ERC2: variants seen among roughly 807,000 people sequenced by gnomAD.
The protein encoded by ERC2 is ELKS/RAB6-interacting/CAST family member 2.
ERC2 carries 42 observed loss-of-function variants against 114.8 expected under a neutral mutation model. The observed-to-expected ratio is 0.37, with a 90% CI of 0.29 to 0.47. The LOEUF (loss-of-function observed/expected upper bound fraction) is 0.47. ERC2 is among the 20% of genes least tolerant of loss of function. ERC2 has a pLI of 0.99. For missense variants in ERC2, 939 were observed against 1,150.7 expected, an observed-to-expected ratio of 0.82 and a Z score of 2.66; for synonymous variants, 454 against 425.5, an observed-to-expected ratio of 1.07 and a Z score of -0.82.
chr3:55,781,681 G>T lies in ERC2; in HGVS notation c.2565-46763C>A, dbSNP rs577239364. 2.0e-5 allele frequency among the ~76,000 whole-genome samples: 3 copies of T among 151,826 alleles called. No homozygotes were observed. In the South Asian group the frequency reaches 6.2e-4, roughly 32 times the overall value. On this transcript the variant is annotated intron_variant, in intron 14 of 17. Transcript: ENST00000288221. ...GAGGTCAGGAGTTCAAGACCATCCT[G>T]GCCAACAGGTGAAACCCTGTCTCTA...
At chr3:56,311,695 A>G (rs1375415702) in intron 2 of ERC2, among the ~76,000 whole-genome samples, 1 of 152,044 alleles carries the variant, frequency 6.6e-6, no homozygotes, top group Non-Finnish European at 1.5e-5. Context: ...CACCCTACTG[A>G]TCTATCGAAC....
chr3:56,109,744 A>G (rs2078860908), intron 6 of ERC2, among the ~76,000 whole-genome samples: 5 of 152,230 alleles, frequency 3.3e-5, no homozygotes, highest in Admixed American at 3.3e-4. Context: ...GACTTTGTAC[A>G]TGTATTGTAC....
At chr3:55,799,437 T>TTATATATACATGCATATATATA (rs2070827547) in intron 14 of ERC2, among the ~76,000 whole-genome samples, 1 of 103,286 alleles carries the variant, frequency 9.7e-6, no homozygotes, top group African/African-American at 5.6e-5. Flanking sequence ...TATATATGCC[T>TTATATATACATGCATATATATA]TATATATATA....
intron 7 of ERC2, among the ~76,000 whole-genome samples, chr3:56,034,113 T>G (rs555544019): frequency 4.6e-5 from 7 of 152,268 alleles, no homozygotes; most frequent in African/African-American, 1.7e-4. Context: ...ACATATAGGC[T>G]GAAAGTCAAT....
chr3:56,104,978 G>A (rs913979517), intron 6 of ERC2, among the ~76,000 whole-genome samples: 9 of 143,178 alleles, frequency 6.3e-5, no homozygotes, highest in African/African-American at 2.3e-4. Flanking sequence ...AGGGAGATCA[G>A]TGTAAGTCTC....
rs79991840 is a variant in ERC2, at chr3:55,697,423, C to G, written c.2847+1955G>C. 2.8e-3 allele frequency among the ~76,000 whole-genome samples: 433 copies of G among 152,298 alleles called. 1 individual carries two copies. The highest frequency in any genetic ancestry group is 5.0e-3 in the Non-Finnish European group (341 of 68,022). ...CAACAACGTGGCTTAGCCAGACACT[C>G]TTCAAGGAATGCTAACTCTTCTGGG... On this transcript the variant is annotated intron_variant, in intron 16 of 17. Transcript: ENST00000288221.
intron 14 of ERC2, among the ~76,000 whole-genome samples, chr3:55,884,892 TA>T (rs540983901): frequency 3.0e-4 from 45 of 148,014 alleles, no homozygotes; most frequent in South Asian, 1.7e-3. Flanking sequence ...GTTTGCTGCT[TA>T]AAAAAAAAAA....
At chr3:56,409,668 G>T (rs1331422553) in intron 2 of ERC2, among the ~76,000 whole-genome samples, 3 of 152,088 alleles carry the variant, frequency 2.0e-5, no homozygotes, top group Non-Finnish European at 4.4e-5. Flanking sequence ...ATCATAGCTA[G>T]GATATTTTAA....
intron 3 of ERC2, among the ~76,000 whole-genome samples, chr3:56,206,157 T>C (rs1236737398): frequency 1.3e-5 from 2 of 148,980 alleles, no homozygotes; most frequent in Non-Finnish European, 3.0e-5. Context: ...TTAGTAACTT[T>C]CTCAAAATCA....
chr3:55,965,016 T>C (rs1243719248), intron 12 of ERC2, among the ~76,000 whole-genome samples: 1 of 152,208 alleles, frequency 6.6e-6, no homozygotes, highest in Admixed American at 6.5e-5. Flanking sequence ...AAGTTTCATA[T>C]AATATAACAT....
chr3:55,561,247 A>C (rs2055996771), intron 17 of ERC2, among the ~76,000 whole-genome samples: 1 of 152,050 alleles, frequency 6.6e-6, no homozygotes, highest in South Asian at 2.1e-4. Context: ...ATGACAAGCT[A>C]TATGACCTTT....
At chr3:55,906,431 C>CAAAAA (rs368262866) in intron 13 of ERC2, among the ~76,000 whole-genome samples, 1 of 67,960 alleles carries the variant, frequency 1.5e-5, no homozygotes, top group Non-Finnish European at 2.7e-5. Flanking sequence ...GACTCTGTCT[C>CAAAAA]AAAAAAAAAA....
chr3:56,007,850 T>C (rs1287961044), intron 9 of ERC2, among the ~76,000 whole-genome samples: 1 of 152,120 alleles, frequency 6.6e-6, no homozygotes, highest in African/African-American at 2.4e-5. Flanking sequence ...ATAAAATTAT[T>C]TTAAAATTTA....
chr3:55,618,036 C>T (rs1476273154), intron 17 of ERC2, among the ~76,000 whole-genome samples: 1 of 151,874 alleles, frequency 6.6e-6, no homozygotes, highest in East Asian at 1.9e-4. Flanking sequence ...ATACAAATCT[C>T]GGTGGTGGGA....
chr3:55,947,354 G>A (rs1189719219), intron 13 of ERC2, among the ~76,000 whole-genome samples: 1 of 152,044 alleles, frequency 6.6e-6, no homozygotes, highest in African/African-American at 2.4e-5. Flanking sequence ...ATTTCTCCAG[G>A]GCTTGTCTCT....
At chr3:56,260,911 C>T (rs758676452) in intron 3 of ERC2, among the ~76,000 whole-genome samples, 15 of 152,222 alleles carry the variant, frequency 9.9e-5, no homozygotes, top group Non-Finnish European at 2.2e-4. Context: ...TTCTCTAATG[C>T]TCCTCTGTGT....
chr3:55,538,742 T>C (rs74415108), intron 17 of ERC2, among the ~76,000 whole-genome samples: 5,763 of 152,288 alleles, frequency 0.038, 158 homozygotes, highest in Non-Finnish European at 0.056. Context: ...ACCTATATAA[T>C]CCCGGAATAA....
intron 2 of ERC2, among the ~76,000 whole-genome samples, chr3:56,338,266 T>C (rs1560619927): frequency 6.6e-6 from 1 of 152,334 alleles, no homozygotes; most frequent in African/African-American, 2.4e-5. Context: ...TGCTGTACAT[T>C]TATGTTTTGT....
chr3:56,032,829 C>A (rs2074449113), intron 7 of ERC2, among the ~76,000 whole-genome samples: 1 of 136,486 alleles, frequency 7.3e-6, no homozygotes, highest in Admixed American at 8.1e-5. Context: ...TAGTGAGACC[C>A]TGTCTGTTGG....
Sources: allele counts gnomAD v4.1 joint callset (sites outside exome capture counted in the v4.1 genomes callset), GRCh38; gene constraint gnomAD v4.1.1; transcripts MANE v1.5; gene names NCBI Gene and HGNC (gene_info 2026-07-23, HGNC 2026-07-21).